The following SOX5 variants were observed in gnomAD, a reference collection of about 807,000 sequenced individuals.
SOX5 encodes the protein transcription factor SOX-5.
SOX5 carries 9 observed loss-of-function variants against 92.0 expected under a neutral mutation model. That is an observed-to-expected ratio of 0.10 (90% CI 0.06 to 0.17). The LOEUF (loss-of-function observed/expected upper bound fraction) is 0.17. Ranked by LOEUF, SOX5 falls within the 10% of genes least tolerant of loss-of-function variation. The probability of loss-of-function intolerance (pLI) is 1.00; values close to 1 mark genes in which losing one functional copy is unlikely to be tolerated. For synonymous variants in SOX5, 344 were observed against 336.3 expected (o/e 1.02, Z -0.25); for missense variants, 642 against 944.5 (o/e 0.68, Z 4.20).
At chr12:24,215,853 A>T (rs1382619529) in intron 3 of SOX5, among the ~76,000 whole-genome samples, 1 of 152,076 alleles carries the variant, frequency 6.6e-6, no homozygotes, top group African/African-American at 2.4e-5. Flanking sequence ...TTCAAAATTT[A>T]TGACAAAGCT....
At chr12:24,308,350 G>T (rs973239055) in intron 2 of SOX5, among the ~76,000 whole-genome samples, 2 of 152,176 alleles carry the variant, frequency 1.3e-5, no homozygotes, top group African/African-American at 4.8e-5. Context: ...GGTCAAACAT[G>T]CACTTGACCT....
At chr12:24,338,214 A>T (rs894929750) in intron 2 of SOX5, among the ~76,000 whole-genome samples, 1 of 152,178 alleles carries the variant, frequency 6.6e-6, no homozygotes, top group Non-Finnish European at 1.5e-5. Flanking sequence ...AGCTATCATA[A>T]ATATTACTGT....
At chr12:24,459,498 T>G (rs1943389654) in intron 1 of SOX5, among the ~76,000 whole-genome samples, 1 of 152,206 alleles carries the variant, frequency 6.6e-6, no homozygotes, top group African/African-American at 2.4e-5. Context: ...AGTACGATAA[T>G]CCTAAGAAGT....
At chr12:24,404,057 C>T (rs548079155) in intron 1 of SOX5, among the ~76,000 whole-genome samples, 7 of 152,186 alleles carry the variant, frequency 4.6e-5, no homozygotes, top group South Asian at 2.1e-4. Context: ...CAAAACAATC[C>T]GATAATTCTC....
At chr12:24,234,703 C>T (rs1964105534) in intron 3 of SOX5, among the ~76,000 whole-genome samples, 1 of 152,082 alleles carries the variant, frequency 6.6e-6, no homozygotes, top group Admixed American at 6.6e-5. Flanking sequence ...CTTTTGATGG[C>T]TTATAGTTAT....
chr12:23,586,184 G>A (rs1044676855), intron 9 of SOX5, among the ~76,000 whole-genome samples: 2 of 152,008 alleles, frequency 1.3e-5, no homozygotes, highest in African/African-American at 2.4e-5. Context: ...ACAAGATCAC[G>A]AACCTCGAGT....
intron 1 of SOX5, among the ~76,000 whole-genome samples, chr12:24,394,947 G>A (rs1217167162): frequency 1.3e-5 from 2 of 152,002 alleles, no homozygotes; most frequent in African/African-American, 4.8e-5. Flanking sequence ...GGCTTCAAGA[G>A]GCCAGAGACA....
At chr12:23,545,886 A>G (rs555123352) in intron 12 of SOX5, among the ~76,000 whole-genome samples, 1 of 151,626 alleles carries the variant, frequency 6.6e-6, no homozygotes, top group South Asian at 2.1e-4. Context: ...AAAAAAAAAA[A>G]CAAAATTGCT....
intron 4 of SOX5, among the ~76,000 whole-genome samples, chr12:24,110,507 T>C (rs1046896002): frequency 3.9e-5 from 6 of 152,160 alleles, no homozygotes; most frequent in African/African-American, 2.4e-5. Context: ...TCCAGATATA[T>C]AGGGAAATGC....
intron 8 of SOX5, among the ~76,000 whole-genome samples, chr12:23,629,468 G>C (rs1277830543): frequency 1.3e-5 from 2 of 152,008 alleles, no homozygotes; most frequent in African/African-American, 4.8e-5. Flanking sequence ...AGTCTAAATT[G>C]CCTCATCCAT....
At chr12:23,858,322 C>A (rs2096718075) in intron 2 of SOX5, among the ~76,000 whole-genome samples, 1 of 152,024 alleles carries the variant, frequency 6.6e-6, no homozygotes, top group African/African-American at 2.4e-5. Context: ...AATCCAGCAT[C>A]TATAAGGAAC....
chr12:23,784,528 G>A (rs531555071), intron 3 of SOX5, among the ~76,000 whole-genome samples: 14 of 152,090 alleles, frequency 9.2e-5, no homozygotes, highest in Admixed American at 5.9e-4. Flanking sequence ...GGGTCTCACC[G>A]TGTTAGCCAG....
intron 3 of SOX5, among the ~76,000 whole-genome samples, chr12:23,842,925 G>C (rs1202143721): frequency 6.6e-6 from 1 of 152,186 alleles, no homozygotes; most frequent in Non-Finnish European, 1.5e-5. Context: ...AAAGGGGACA[G>C]AGAGCAAGTT....
chr12:24,277,519 T>TGTAAAA (rs1478585952), intron 2 of SOX5, among the ~76,000 whole-genome samples: 1 of 140,462 alleles, frequency 7.1e-6, no homozygotes, highest in Non-Finnish European at 1.6e-5. Flanking sequence ...TAAATATATA[T>TGTAAAA]TTATATGTAT....
intron 2 of SOX5, among the ~76,000 whole-genome samples, chr12:23,850,257 C>A (rs551614816): frequency 1.3e-5 from 2 of 151,670 alleles, no homozygotes; most frequent in African/African-American, 4.8e-5. Context: ...GGTGAAACCC[C>A]GTCTCTACTA....
chr12:23,830,523 C>A (rs2096298800), intron 3 of SOX5, among the ~76,000 whole-genome samples: 2 of 152,148 alleles, frequency 1.3e-5, no homozygotes, highest in Admixed American at 1.3e-4. Flanking sequence ...GCCTCTTCAA[C>A]ATGTACTTTG....
intron 3 of SOX5, among the ~76,000 whole-genome samples, chr12:23,836,193 C>A (rs1326036462): frequency 1.3e-5 from 2 of 151,806 alleles, no homozygotes; most frequent in Non-Finnish European, 2.9e-5. Flanking sequence ...CATTGTCACT[C>A]TTAACTGTTA....
intron 3 of SOX5, among the ~76,000 whole-genome samples, chr12:23,834,283 T>C (rs988970965): frequency 1.3e-5 from 2 of 151,864 alleles, no homozygotes; most frequent in African/African-American, 2.4e-5. Context: ...CATGACAACA[T>C]GTACTTTGAA....
At position 23,867,845 on chromosome 12, in the gene SOX5, C is replaced by T. The variant is rs56869737; in HGVS notation, c.271-21652G>A. Among the ~76,000 whole-genome samples the T allele has an allele frequency of 6.2e-3, 945 of 151,342 alleles. 9 individuals carry two copies. Among genetic ancestry groups the T allele is most frequent in the African/African-American group, 0.022 (903 of 41,336 alleles). ...GTAAAAAAAAAAACAAAAAAACTTC[C>T]ACATACAAAACACTATTAACATAAA... On this transcript the variant is annotated intron_variant, in intron 2 of 14. Coordinates refer to ENST00000451604, the MANE Select transcript of SOX5 (RefSeq NM_006940.6).
Sources: gnomAD v4.1 joint callset for allele counts (sites outside exome capture counted in the v4.1 genomes callset) on GRCh38, gnomAD v4.1.1 for gene constraint, MANE v1.5 for transcripts, NCBI Gene and HGNC (gene_info 2026-07-23, HGNC 2026-07-21) for gene names.